FER1L6: variants seen among roughly 807,000 people sequenced by gnomAD.
FER1L6 encodes fer-1 like family member 6.
In FER1L6, 177 loss-of-function variants were observed where a neutral mutation model predicts 219.2. The observed-to-expected ratio is 0.81, with a 90% CI of 0.71 to 0.91. FER1L6 has a LOEUF of 0.91. Among genes scored for constraint, FER1L6 ranks in the 40% least tolerant of loss-of-function variants. FER1L6 has a pLI of 0.00. For synonymous variants in FER1L6, 768 were observed against 824.3 expected (o/e 0.93, Z 1.17); for missense variants, 2,153 against 2,259.9 (o/e 0.95, Z 0.96).
chr8:124,115,197 C>T (rs1189257703), intron 39 of FER1L6, among the ~76,000 whole-genome samples: 2 of 150,638 alleles, frequency 1.3e-5, no homozygotes, highest in Non-Finnish European at 2.9e-5. Context: ...TATCATTAGG[C>T]TACTAGATAG....
chr8:123,919,393 A>G (rs1010692897), intron 1 of FER1L6, among the ~76,000 whole-genome samples: 1 of 152,218 alleles, frequency 6.6e-6, no homozygotes, highest in Non-Finnish European at 1.5e-5. Context: ...TAGGAGGCAT[A>G]TGATAAAGGT....
chr8:124,069,281 A>G, intron 28 of FER1L6, 79 bp from the exon 29 acceptor site: 2 of 1,092,908 alleles, frequency 1.8e-6, no homozygotes, highest in Non-Finnish European at 2.8e-6. Flanking sequence ...CATGTCAGCA[A>G]AAGGAAAGAA....
intron 19 of FER1L6, among the ~76,000 whole-genome samples, chr8:124,037,571 T>C (rs941672006): frequency 1.1e-4 from 16 of 152,184 alleles, no homozygotes; most frequent in African/African-American, 3.9e-4. Context: ...TGGAGAACTT[T>C]CACCGCAAAT....
At chr8:123,862,968 C>A (rs372535265) in intron 1 of FER1L6, among the ~76,000 whole-genome samples, 1 of 144,854 alleles carries the variant, frequency 6.9e-6, no homozygotes, top group Non-Finnish European at 1.5e-5. Context: ...GTTTTTTGTG[C>A]CTCTATTTCC....
In FER1L6 at chr8:124,013,524, C is replaced by T. The variant is rs761199319; in HGVS notation, c.1915C>T (p.Arg639Trp). Residue 639 changes from arginine to tryptophan, a missense_variant, in exon 15 of 41, where the codon CGG becomes TGG. Physicochemically the swap from Arg to Trp is moderately radical, Grantham distance 101 (BLOSUM62 -3). Coordinates refer to ENST00000522917, the MANE Select transcript of FER1L6 (RefSeq NM_001039112.2). ...AACAGTGCTCAGTGACTTCATCAGTCGGAGCAGGTACCGGGAGAGACAGCC... is the reference window on the plus strand; with the variant it reads ...AACAGTGCTCAGTGACTTCATCAGTTGGAGCAGGTACCGGGAGAGACAGCC... ...MKTVLSDFIS[R>W]SSAFISEAEK... is the part of the protein sequence containing the mutation. 53 of 1,602,098 alleles carry T rather than the reference C, an allele frequency of 3.3e-5. No individual in the cohort carries two copies. The highest frequency in any genetic ancestry group is 3.6e-5 in the Non-Finnish European group (42 of 1,176,042).
chr8:124,040,234 C>G (rs1022943869), intron 20 of FER1L6, among the ~76,000 whole-genome samples: 12 of 152,096 alleles, frequency 7.9e-5, no homozygotes, highest in Admixed American at 6.6e-4. Context: ...GTCCCTGAGG[C>G]GAAGGAAGGC....
chr8:123,865,756 G>C lies in FER1L6; in HGVS notation c.-8+13571G>C, dbSNP rs536564644. On this transcript the variant is annotated intron_variant, in intron 1 of 40. Transcript: ENST00000522917. ...GTGACCCGATTTTCCAGGTGCGTCC[G>C]TCACCCCTTTCTTTGACTCGGAAAG... Among the ~76,000 whole-genome samples, 135 of 144,732 alleles carry C rather than the reference G, an allele frequency of 9.3e-4. 2 individuals carry two copies. Among genetic ancestry groups the C allele is most frequent in the Non-Finnish European group, 1.2e-3 (81 of 65,780 alleles). The allele number at this position is 144,732 out of a possible 152,430, so 94.9% of individuals were successfully genotyped here.
rs1402035229 is a variant in FER1L6 at position 123,980,739 on chromosome 8, A to G, written c.1338A>G (p.Gly446=). 1.2e-6 allele frequency: 2 copies of G among 1,614,058 alleles called. No individual in the cohort carries two copies. The highest frequency in any genetic ancestry group is 1.7e-6 in the Non-Finnish European group (2 of 1,180,026). ...GKDKADKTED[G]KSQQASNKTN... ...ACAAGGCTGACAAAACTGAAGATGG[A>G]AAATCCCAACAGGCTTCAAACAAAA... Residue 446 remains glycine, a synonymous_variant, in exon 11 of 41, where the codon GGA becomes GGG. Coordinates refer to ENST00000522917, the MANE Select transcript of FER1L6 (RefSeq NM_001039112.2).
chr8:123,907,292 G>A (rs1429592116), intron 1 of FER1L6, among the ~76,000 whole-genome samples: 1 of 152,140 alleles, frequency 6.6e-6, no homozygotes, highest in Non-Finnish European at 1.5e-5. Context: ...CCAGAATACA[G>A]AAAGGAAGCA....
intron 11 of FER1L6, chr8:123,984,804 T>A (rs1215367512): frequency 6.6e-6 from 1 of 152,226 alleles, no homozygotes; most frequent in Non-Finnish European, 1.5e-5. Context: ...CTGAGGCAGC[T>A]GTCTAGGACT....
At chr8:123,920,563 A>T (rs1813330434) in intron 1 of FER1L6, among the ~76,000 whole-genome samples, 1 of 152,220 alleles carries the variant, frequency 6.6e-6, no homozygotes, top group Admixed American at 6.5e-5. Context: ...GTCTAGCCTG[A>T]GTGACCACTT....
At chr8:124,024,147 C>T (rs534861157) in intron 18 of FER1L6, among the ~76,000 whole-genome samples, 32 of 151,868 alleles carry the variant, frequency 2.1e-4, no homozygotes, top group Non-Finnish European at 2.6e-4. Flanking sequence ...CTGCCTGCCT[C>T]GGCCTCCCAA....
chr8:123,877,729 A>G (rs1324010580), intron 1 of FER1L6, among the ~76,000 whole-genome samples: 1 of 151,550 alleles, frequency 6.6e-6, no homozygotes, highest in East Asian at 1.9e-4. Context: ...TATGTGAAAT[A>G]CGCTTCCTTT....
intron 5 of FER1L6, among the ~76,000 whole-genome samples, chr8:123,968,938 C>T (rs1815676573): frequency 6.6e-6 from 1 of 152,166 alleles, no homozygotes; most frequent in Non-Finnish European, 1.5e-5. Flanking sequence ...ATCCAGGAAA[C>T]AGCTTCCCAG....
chr8:123,854,624 C>A (rs1164927386), intron 1 of FER1L6, among the ~76,000 whole-genome samples: 1 of 152,172 alleles, frequency 6.6e-6, no homozygotes, highest in African/African-American at 2.4e-5. Context: ...TCTTCTGTCC[C>A]TTTATTACCA....
chr8:124,069,541 G>A (rs1820979045), intron 29 of FER1L6, 66 bp downstream of exon 29: 1 of 1,175,038 alleles, frequency 8.5e-7, no homozygotes, highest in South Asian at 1.4e-5. Flanking sequence ...GGTTCTGTCA[G>A]TGCTTTGGTC....
At chr8:124,023,687 A>T (rs943610686) in intron 18 of FER1L6, 91 bp downstream of exon 18, 22 of 1,355,750 alleles carry the variant, frequency 1.6e-5, no homozygotes, top group Non-Finnish European at 2.0e-5. Context: ...GGCTCTGACC[A>T]TTCCCCAGTG....
intron 1 of FER1L6, among the ~76,000 whole-genome samples, chr8:123,922,008 G>A (rs574102653): frequency 1.5e-4 from 23 of 152,224 alleles, no homozygotes; most frequent in Non-Finnish European, 3.4e-4. Context: ...GTATGGAATT[G>A]TGAAACAGTC....
At chr8:123,886,897 T>C (rs1033443889) in intron 1 of FER1L6, among the ~76,000 whole-genome samples, 11 of 152,174 alleles carry the variant, frequency 7.2e-5, no homozygotes, top group African/African-American at 1.7e-4. Context: ...TATGCAAATA[T>C]CGAAACTGAC....
Sources: allele counts gnomAD v4.1 joint callset (sites outside exome capture counted in the v4.1 genomes callset), GRCh38; gene constraint gnomAD v4.1.1; transcripts MANE v1.5; gene names NCBI Gene and HGNC (gene_info 2026-07-23, HGNC 2026-07-21).